Variants in NCAPH observed in about 807,000 individuals in gnomAD.
The protein encoded by NCAPH is condensin complex subunit 2.
A neutral mutation model predicts 85.5 loss-of-function variants in NCAPH; 38 were observed. That is an observed-to-expected ratio of 0.44 (90% CI 0.34 to 0.58). The LOEUF (loss-of-function observed/expected upper bound fraction) is 0.58. Ranked by LOEUF, NCAPH falls within the 20% of genes least tolerant of loss-of-function variation. The probability of loss-of-function intolerance (pLI) is 0.01; values close to 1 mark genes in which losing one functional copy is unlikely to be tolerated. For synonymous variants in NCAPH, 301 were observed against 335.1 expected (o/e 0.90, Z 1.11); for missense variants, 789 against 916.6 (o/e 0.86, Z 1.80).
intron 14 of NCAPH, among the ~76,000 whole-genome samples, chr2:96,366,685 C>T (rs920746844): frequency 2.6e-5 from 4 of 151,762 alleles, no homozygotes; most frequent in East Asian, 1.9e-4. Flanking sequence ...GAGACCAGCC[C>T]GGCCAACATG....
chr2:96,359,311 A>G, intron 10 of NCAPH, 118 bp downstream of exon 10: 1 of 1,317,820 alleles, frequency 7.6e-7, no homozygotes. Context: ...TAATAAGCCG[A>G]GGAAGCATAC....
Position 96,335,796 on chromosome 2 carries a change from G to A in NCAPH, c.-34G>A, listed in dbSNP as rs1042559192. On this transcript the variant is annotated 5_prime_UTR_variant, in exon 1 of 18. Transcript: ENST00000240423. ...GGCGCTCAGGCGTCTCGACGCGCGC[G>A]ATTTAAAACCAGCTCAGGAGACGCC... The A allele has an allele frequency of 8.1e-6, 12 of 1,476,508 alleles. No individual in the cohort carries two copies. The highest frequency in any genetic ancestry group is 2.0e-4 in the Middle Eastern group (1 of 5,120). The allele number at this position is 1,476,508 out of a possible 1,614,324, so 91.5% of individuals were successfully genotyped here.
At chr2:96,351,544 CT>C (rs1375940416) in intron 6 of NCAPH, among the ~76,000 whole-genome samples, 1 of 151,912 alleles carries the variant, frequency 6.6e-6, no homozygotes, top group Non-Finnish European at 1.5e-5. Flanking sequence ...TGGTGCGTAC[CT>C]GTAGTCCCAC....
intron 17 of NCAPH, among the ~76,000 whole-genome samples, chr2:96,371,963 C>T (rs1053879241): frequency 6.6e-6 from 1 of 152,232 alleles, no homozygotes; most frequent in Non-Finnish European, 1.5e-5. Context: ...ACGTGAGGCC[C>T]TCTGCCTTCA....
At chr2:96,361,118 G>A (rs2104475884) in intron 12 of NCAPH, among the ~76,000 whole-genome samples, 1 of 127,462 alleles carries the variant, frequency 7.8e-6, no homozygotes, top group South Asian at 2.8e-4. Context: ...GTGCAGTCTT[G>A]GCTCACTGCA....
intron 10 of NCAPH, chr2:96,359,449 TCC>T: frequency 2.1e-6 from 1 of 475,918 alleles, no homozygotes; most frequent in Non-Finnish European, 3.8e-6. Flanking sequence ...CTCACACTGC[TCC>T]CTAGTATCCA....
intron 13 of NCAPH, 100 bp from the exon 14 acceptor site, chr2:96,365,776 G>A: frequency 8.4e-7 from 1 of 1,186,610 alleles, no homozygotes; most frequent in Non-Finnish European, 1.2e-6. Context: ...TGAACCATCA[G>A]ATGGTCTCTT....
At chr2:96,343,358 G>A in intron 5 of NCAPH, 54 bp downstream of exon 5, 2 of 1,541,398 alleles carry the variant, frequency 1.3e-6, no homozygotes, top group South Asian at 1.3e-5. Flanking sequence ...ATACCAGGTA[G>A]TTACTTGAGT....
intron 1 of NCAPH, 150 bp downstream of exon 1, chr2:96,335,998 G>C (rs2064208214): frequency 8.5e-6 from 7 of 821,478 alleles, no homozygotes; most frequent in African/African-American, 3.6e-5. Context: ...GGCCGGTGCG[G>C]GGGGAGGGGA....
In NCAPH at chr2:96,373,496, C is replaced by T; in HGVS notation, c.*145C>T. 1.4e-6 allele frequency: 1 copy of T among 737,162 alleles called. No homozygotes were observed. Among genetic ancestry groups the T allele is most frequent in the East Asian group, 2.6e-5 (1 of 38,808 alleles). 45.7% of individuals were successfully genotyped at this position (737,162 alleles called of 1,614,324 possible). On this transcript the variant is annotated 3_prime_UTR_variant, in exon 18 of 18. Coordinates refer to ENST00000240423, the MANE Select transcript of NCAPH (RefSeq NM_015341.5). ...GTGCCTGTTTGTTTGTTGCTCTTTC[C>T]TTCTCTCCATCATAGTCTGGGTGCC...
chr2:96,369,184 C>A, intron 16 of NCAPH, 121 bp downstream of exon 16: 1 of 1,091,634 alleles, frequency 9.2e-7, no homozygotes, highest in Non-Finnish European at 1.3e-6. Context: ...TGTTTTCTCT[C>A]TGTGTTGACA....
At chr2:96,355,008 A>C (rs2064504924) in intron 9 of NCAPH, among the ~76,000 whole-genome samples, 1 of 152,144 alleles carries the variant, frequency 6.6e-6, no homozygotes, top group Non-Finnish European at 1.5e-5. Flanking sequence ...GGGGTTAGGC[A>C]GTGTTGGGTT....
intron 15 of NCAPH, 116 bp from the exon 16 acceptor site, chr2:96,368,856 A>G: frequency 3.5e-6 from 3 of 851,440 alleles, no homozygotes; most frequent in Non-Finnish European, 5.4e-6. Context: ...AATAACTAAG[A>G]AATTTGTTTT....
At chr2:96,368,720 C>T (rs1298736102) in intron 15 of NCAPH, among the ~76,000 whole-genome samples, 1 of 151,784 alleles carries the variant, frequency 6.6e-6, no homozygotes, top group Non-Finnish European at 1.5e-5. Context: ...TTTCAGGGCA[C>T]CCTAGGACAC....
At position 96,359,159 on chromosome 2, in the gene NCAPH, C is replaced by T; in HGVS notation, c.1323C>T (p.Gly441=). 1.2e-6 allele frequency: 2 copies of T among 1,614,182 alleles called. No homozygotes were observed. The highest frequency in any genetic ancestry group is 8.5e-7 in the Non-Finnish European group (1 of 1,180,036). Residue 441 remains glycine, a synonymous_variant, in exon 10 of 18, where the codon GGC becomes GGT. Transcript: ENST00000240423. ...FSPRTMSMWA[G]PDHWRFRPRR... Reference sequence around the variant, plus strand: ...CTCGGACCATGTCGATGTGGGCTGGCCCGGATCACTGGCGCTTTAGGCCTC... The same window carrying T: ...CTCGGACCATGTCGATGTGGGCTGGTCCGGATCACTGGCGCTTTAGGCCTC...
At chr2:96,335,962 G>T in intron 1 of NCAPH, 114 bp downstream of exon 1, 2 of 1,133,688 alleles carry the variant, frequency 1.8e-6, no homozygotes, top group Non-Finnish European at 2.3e-6. Flanking sequence ...CTCAGCTCGG[G>T]TCTTGGCCCT....
chr2:96,339,326 C>G (rs937357039), intron 1 of NCAPH, among the ~76,000 whole-genome samples: 3 of 152,140 alleles, frequency 2.0e-5, no homozygotes, highest in Non-Finnish European at 2.9e-5. Flanking sequence ...GGCGTGGTGG[C>G]TCACGCCTGT....
chr2:96,353,177 C>A (rs1648883637), intron 7 of NCAPH, 129 bp from the exon 8 acceptor site: 3 of 740,322 alleles, frequency 4.1e-6, no homozygotes, highest in African/African-American at 1.8e-5. Flanking sequence ...GATACTTGAG[C>A]CTTTGCTGGA....
chr2:96,336,568 C>G (rs1350261907), intron 1 of NCAPH, among the ~76,000 whole-genome samples: 5 of 152,154 alleles, frequency 3.3e-5, no homozygotes, highest in Non-Finnish European at 7.3e-5. Flanking sequence ...AGGCCTGACA[C>G]GTAGGCAGGG....
Sources: gnomAD v4.1 joint callset for allele counts (sites outside exome capture counted in the v4.1 genomes callset) on GRCh38, gnomAD v4.1.1 for gene constraint, MANE v1.5 for transcripts, NCBI Gene and HGNC (gene_info 2026-07-23, HGNC 2026-07-21) for gene names.